The following CADPS2 variants were observed in gnomAD, a reference collection of about 807,000 sequenced individuals.
CADPS2 encodes calcium dependent secretion activator 2.
Under a neutral mutation model 172.5 loss-of-function variants are expected in CADPS2, and 93 were observed. The observed-to-expected ratio is 0.54, with a 90% CI of 0.46 to 0.64. The LOEUF (loss-of-function observed/expected upper bound fraction) is 0.64, where lower values mean the gene tolerates loss of function less well. Among genes scored for constraint, CADPS2 ranks in the 30% least tolerant of loss-of-function variants. The pLI, the probability that CADPS2 is intolerant of heterozygous loss-of-function variation, is 0.00. For missense variants in CADPS2, 1,420 were observed against 1,565.9 expected, an observed-to-expected ratio of 0.91 and a Z score of 1.57; for synonymous variants, 546 against 555.2, an observed-to-expected ratio of 0.98 and a Z score of 0.23.
chr7:122,861,755 G>A (rs1251657543), intron 1 of CADPS2, among the ~76,000 whole-genome samples: 2 of 152,212 alleles, frequency 1.3e-5, no homozygotes, highest in African/African-American at 4.8e-5. Context: ...TACGCACTAT[G>A]CGTATATATT....
rs1476462430 is a variant in CADPS2 at position 122,407,526 on chromosome 7, A to G, written c.2746+14T>C. The G allele has an allele frequency of 6.2e-7, 1 of 1,606,160 alleles. No individual in the cohort carries two copies. Among genetic ancestry groups the G allele is most frequent in the Admixed American group, 1.7e-5 (1 of 58,590 alleles). On this transcript the variant is annotated intron_variant, in intron 20 of 29. Transcript: ENST00000449022. ...CTCCCCATTTCACATATGAAAGAAA[A>G]CGCAAATGCTCACTGTCATTTCGGA...
chr7:122,861,988 A>G (rs1453987575), intron 1 of CADPS2, among the ~76,000 whole-genome samples: 2 of 152,190 alleles, frequency 1.3e-5, no homozygotes, highest in African/African-American at 4.8e-5. Context: ...AAAATTTTAG[A>G]CCTCCATAGA....
intron 14 of CADPS2, among the ~76,000 whole-genome samples, chr7:122,468,056 T>A (rs907087558): frequency 2.0e-5 from 3 of 152,200 alleles, no homozygotes; most frequent in East Asian, 3.8e-4. Flanking sequence ...TATTCAGAGA[T>A]GTATCTGTAC....
intron 6 of CADPS2, among the ~76,000 whole-genome samples, chr7:122,581,686 T>G (rs1358165390): frequency 6.6e-6 from 1 of 152,160 alleles, no homozygotes; most frequent in African/African-American, 2.4e-5. Flanking sequence ...CAGAAAATGA[T>G]TTTTATATAC....
At chr7:122,587,789 A>G (rs2070002308) in intron 6 of CADPS2, among the ~76,000 whole-genome samples, 1 of 152,148 alleles carries the variant, frequency 6.6e-6, no homozygotes. Flanking sequence ...GAATCGCCAC[A>G]TCATCTTCCA....
intron 25 of CADPS2, among the ~76,000 whole-genome samples, chr7:122,371,349 C>G (rs6949334): frequency 0.75 from 113,387 of 152,128 alleles, 42,929 homozygotes; most frequent in African/African-American, 0.87. Context: ...GAGGCCTTAG[C>G]AAACTTACAA....
chr7:122,579,448 CG>C (rs2068502402), intron 7 of CADPS2, among the ~76,000 whole-genome samples: 1 of 71,926 alleles, frequency 1.4e-5, no homozygotes. Flanking sequence ...AAAATTGCAT[CG>C]AATATATATA....
intron 1 of CADPS2, among the ~76,000 whole-genome samples, chr7:122,815,718 CATT>C (rs1801172739): frequency 6.6e-6 from 1 of 152,108 alleles, no homozygotes; most frequent in Admixed American, 6.5e-5. Context: ...AAGCCACATC[CATT>C]ATTACCACTA....
At chr7:122,814,496 T>C (rs1800818200) in intron 1 of CADPS2, among the ~76,000 whole-genome samples, 3 of 152,070 alleles carry the variant, frequency 2.0e-5, no homozygotes, top group Admixed American at 2.0e-4. Flanking sequence ...CATGTTTAAA[T>C]GGCTAAAAAG....
chr7:122,598,238 T>C (rs1015669305), intron 6 of CADPS2, among the ~76,000 whole-genome samples: 1 of 149,616 alleles, frequency 6.7e-6, no homozygotes, highest in African/African-American at 2.5e-5. Context: ...GCTACAAAGA[T>C]TTTTTTTTTG....
At position 122,393,449 on chromosome 7, in the gene CADPS2, C is replaced by T. The variant is rs1363219557; in HGVS notation, c.2880G>A (p.Gln960=). 3 of 1,613,856 alleles carry T rather than the reference C, an allele frequency of 1.9e-6. No individual in the cohort carries two copies. Among genetic ancestry groups the T allele is most frequent in the Non-Finnish European group, 2.5e-6 (3 of 1,179,814 alleles). ...IHRGFEQETW[Q]PVKNIANSLP... Reference sequence around the variant, plus strand: ...CTAGGTAAGATACCTACTTGACAGGCTGCCATGTCTCCTGCTCAAAACCTC... The same window carrying T: ...CTAGGTAAGATACCTACTTGACAGGTTGCCATGTCTCCTGCTCAAAACCTC... The change falls in exon 21 of 30, where the codon CAG becomes CAA. Residue 960 remains glutamine (Q), a synonymous_variant. Coordinates refer to ENST00000449022, the MANE Select transcript of CADPS2 (RefSeq NM_017954.11).
chr7:122,538,436 C>A, intron 8 of CADPS2, among the ~76,000 whole-genome samples: 1 of 146,836 alleles, frequency 6.8e-6, no homozygotes, highest in African/African-American at 2.5e-5. Flanking sequence ...TACCTTAACT[C>A]ATTAGCAGTC....
intron 27 of CADPS2, among the ~76,000 whole-genome samples, chr7:122,348,084 C>T (rs530602333): frequency 1.1e-4 from 16 of 152,198 alleles, no homozygotes; most frequent in African/African-American, 2.4e-4. Flanking sequence ...ACAAATGGGA[C>T]GCTTGTCTTT....
intron 7 of CADPS2, among the ~76,000 whole-genome samples, chr7:122,572,978 T>C (rs2067473245): frequency 6.6e-6 from 1 of 152,286 alleles, no homozygotes; most frequent in East Asian, 1.9e-4. Context: ...TGCCAAGTAC[T>C]TGCCAAATAA....
rs113127267 is a variant in CADPS2, at chr7:122,698,017, A to G, written c.454-34448T>C. On this transcript the variant is annotated intron_variant, in intron 2 of 29. Transcript: ENST00000449022. ...AACCACTTGAATCCCCAAAACTTTA[A>G]GAATATCACATTTGCAAATGGGGCA... The G allele has an allele frequency of 5.9e-3, 9,457 of 1,613,506 alleles. 34 individuals carry two copies. Among genetic ancestry groups the G allele is most frequent in the Non-Finnish European group, 6.7e-3 (7,854 of 1,179,758 alleles).
intron 2 of CADPS2, among the ~76,000 whole-genome samples, chr7:122,714,035 A>G (rs1488918560): frequency 2.0e-5 from 3 of 152,128 alleles, no homozygotes; most frequent in African/African-American, 4.8e-5. Context: ...CTTCAAGAAG[A>G]ACATTCATGT....
intron 2 of CADPS2, among the ~76,000 whole-genome samples, chr7:122,707,804 A>G (rs2087837574): frequency 6.6e-6 from 1 of 151,478 alleles, no homozygotes; most frequent in Non-Finnish European, 1.5e-5. Flanking sequence ...TTTCTTATAT[A>G]TATATATATG....
chr7:122,371,850 C>A (rs1244222719), intron 25 of CADPS2, among the ~76,000 whole-genome samples: 1 of 151,980 alleles, frequency 6.6e-6, no homozygotes, highest in African/African-American at 2.4e-5. Flanking sequence ...TCAGTACTGC[C>A]AATGGAGACA....
chr7:122,340,297 C>T (rs982119104), intron 28 of CADPS2, among the ~76,000 whole-genome samples: 3 of 152,124 alleles, frequency 2.0e-5, no homozygotes, highest in Non-Finnish European at 4.4e-5. Context: ...TAACAAAGAG[C>T]ATGTTTAATC....
Sources: gnomAD v4.1 joint callset for allele counts (sites outside exome capture counted in the v4.1 genomes callset) on GRCh38, gnomAD v4.1.1 for gene constraint, MANE v1.5 for transcripts, NCBI Gene and HGNC (gene_info 2026-07-23, HGNC 2026-07-21) for gene names.